The following MRPS27 variants were observed in gnomAD, a reference collection of about 807,000 sequenced individuals.
MRPS27 encodes the protein mitochondrial ribosomal protein S27.
Under a neutral mutation model 48.9 loss-of-function variants are expected in MRPS27, and 43 were observed. The ratio of observed to expected loss-of-function variants is 0.88; its 90% CI spans 0.69 to 1.13. The LOEUF (loss-of-function observed/expected upper bound fraction) is 1.13, where lower values mean the gene tolerates loss of function less well. MRPS27 is among the 50% of genes most tolerant of loss of function. The probability of loss-of-function intolerance (pLI) is 0.00; values close to 1 mark genes in which losing one functional copy is unlikely to be tolerated. For missense variants in MRPS27, 467 were observed against 476.3 expected, an observed-to-expected ratio of 0.98 and a Z score of 0.18; for synonymous variants, 188 against 171.9, an observed-to-expected ratio of 1.09 and a Z score of -0.73.
intron 1 of MRPS27, among the ~76,000 whole-genome samples, chr5:72,318,809 G>A (rs1750643544): frequency 1.3e-5 from 2 of 151,498 alleles, no homozygotes; most frequent in Admixed American, 1.3e-4. Flanking sequence ...AAAAAGGCTG[G>A]GGAGGTGATT....
intron 7 of MRPS27, among the ~76,000 whole-genome samples, chr5:72,230,934 C>A (rs921217690): frequency 6.6e-6 from 1 of 152,024 alleles, no homozygotes; most frequent in African/African-American, 2.4e-5. Flanking sequence ...TGCATCATAT[C>A]CTGGTCTCTA....
chr5:72,247,426 G>A (rs1002130079), intron 4 of MRPS27, among the ~76,000 whole-genome samples: 1 of 152,074 alleles, frequency 6.6e-6, no homozygotes, highest in Admixed American at 6.6e-5. Flanking sequence ...AAAGATAAAC[G>A]AGCAACCATT....
In MRPS27 at chr5:72,307,150, G is replaced by A. The variant is rs1372147931; in HGVS notation, c.151+6931C>T. The stretch of plus-strand genomic sequence containing the variant: ...GGGCGGATCACGAGGTCACGAGTTC[G>A]AGACCAGCATGACCAAAAAGGCAAG... On this transcript the variant is annotated intron_variant, in intron 2 of 10. Transcript: ENST00000261413. Among the ~76,000 whole-genome samples, 4 of 152,058 alleles carry A rather than the reference G, an allele frequency of 2.6e-5. No individual in the cohort carries two copies. In the East Asian group the frequency reaches 5.8e-4, roughly 22 times the overall value.
At chr5:72,320,095 C>T in intron 1 of MRPS27, 54 bp downstream of exon 1, 1 of 1,569,750 alleles carries the variant, frequency 6.4e-7, no homozygotes, top group South Asian at 1.1e-5. Flanking sequence ...GCCCACCGCT[C>T]CCTTCACCCA....
intron 2 of MRPS27, among the ~76,000 whole-genome samples, chr5:72,301,875 T>C (rs1443898339): frequency 6.6e-6 from 1 of 152,226 alleles, no homozygotes; most frequent in East Asian, 1.9e-4. Flanking sequence ...AGCTGCGGCG[T>C]GCAGAGGGCC....
At chr5:72,280,281 G>A (rs1409418594) in intron 4 of MRPS27, among the ~76,000 whole-genome samples, 4 of 152,218 alleles carry the variant, frequency 2.6e-5, no homozygotes, top group African/African-American at 9.6e-5. Flanking sequence ...GGTTGGAATT[G>A]CACTGAATTT....
At chr5:72,289,492 G>T (rs985266108) in intron 4 of MRPS27, among the ~76,000 whole-genome samples, 1 of 151,934 alleles carries the variant, frequency 6.6e-6, no homozygotes, top group Non-Finnish European at 1.5e-5. Flanking sequence ...TATGACCTCG[G>T]TTCACTGCAG....
intron 4 of MRPS27, among the ~76,000 whole-genome samples, chr5:72,249,866 C>T (rs1748611831): frequency 6.6e-6 from 1 of 151,896 alleles, no homozygotes; most frequent in Non-Finnish European, 1.5e-5. Flanking sequence ...TGCCTGTAGT[C>T]CCAGCTACTT....
At chr5:72,229,253 A>G (rs1747984302) in intron 7 of MRPS27, 1 of 152,194 alleles carries the variant, frequency 6.6e-6, no homozygotes, top group Non-Finnish European at 1.5e-5. Context: ...GAGAATGAAT[A>G]ATGTCTGCAG....
intron 4 of MRPS27, among the ~76,000 whole-genome samples, chr5:72,287,309 A>C (rs773729252): frequency 2.6e-5 from 4 of 152,086 alleles, no homozygotes; most frequent in Non-Finnish European, 5.9e-5. Flanking sequence ...AGCACAATCC[A>C]TTAAAAAAAA....
At chr5:72,256,386 T>C (rs939583141) in intron 4 of MRPS27, among the ~76,000 whole-genome samples, 1 of 152,172 alleles carries the variant, frequency 6.6e-6, no homozygotes, top group African/African-American at 2.4e-5. Context: ...ATGGAGTAGG[T>C]TGGAGAAAAA....
intron 4 of MRPS27, among the ~76,000 whole-genome samples, chr5:72,245,426 T>C (rs1748486019): frequency 6.6e-6 from 1 of 152,350 alleles, no homozygotes; most frequent in Admixed American, 6.5e-5. Context: ...TTTAAATACA[T>C]GCAAACATTT....
chr5:72,311,047 T>C (rs1224812408), intron 2 of MRPS27, among the ~76,000 whole-genome samples: 1 of 152,126 alleles, frequency 6.6e-6, no homozygotes, highest in Non-Finnish European at 1.5e-5. Flanking sequence ...GACAATGTCA[T>C]AAGAAACAAA....
chr5:72,252,528 A>C (rs574448221), intron 4 of MRPS27, among the ~76,000 whole-genome samples: 10 of 152,266 alleles, frequency 6.6e-5, no homozygotes, highest in African/African-American at 2.4e-4. Context: ...CCCTTTTTAC[A>C]AAGTAGGAAA....
At position 72,220,084 on chromosome 5, in the gene MRPS27, A is replaced by T. The variant is rs1005903937; in HGVS notation, c.*825T>A. ...AGAAGGGCGAGATGTGGCAGAAAGGAGAATGTGGGAATGTGTGAGTATCCC... is the reference window on the plus strand; with the variant it reads ...AGAAGGGCGAGATGTGGCAGAAAGGTGAATGTGGGAATGTGTGAGTATCCC... On this transcript the variant is annotated 3_prime_UTR_variant, in exon 11 of 11. Coordinates refer to ENST00000261413, the MANE Select transcript of MRPS27 (RefSeq NM_015084.3). The T allele has an allele frequency of 2.0e-5, 3 of 152,766 alleles. No individual in the cohort carries two copies. The highest frequency in any genetic ancestry group is 2.9e-5 in the Non-Finnish European group (2 of 68,128). 9.5% of individuals were successfully genotyped at this position (152,766 alleles called of 1,614,324 possible).
chr5:72,238,460 A>G (rs1748263402), intron 4 of MRPS27, among the ~76,000 whole-genome samples: 1 of 152,234 alleles, frequency 6.6e-6, no homozygotes, highest in Non-Finnish European at 1.5e-5. Context: ...ATATTTCATT[A>G]GAAGAGACGT....
At chr5:72,312,067 G>A (rs1288040619) in intron 2 of MRPS27, among the ~76,000 whole-genome samples, 1 of 152,176 alleles carries the variant, frequency 6.6e-6, no homozygotes, top group Non-Finnish European at 1.5e-5. Context: ...AGGAGGCGGA[G>A]GTTGCAGTGA....
At position 72,269,500 on chromosome 5, in the gene MRPS27, T is replaced by C. The variant is rs1034890639; in HGVS notation, c.281+26031A>G. On this transcript the variant is annotated intron_variant, in intron 4 of 10. Transcript: ENST00000261413. ...AAACTTTTTCCTAAATATTAAAACA[T>C]ACTAGCAAGCTATAATAATTAAAAC... Among the ~76,000 whole-genome samples, 3 of 152,218 alleles carry C rather than the reference T, an allele frequency of 2.0e-5. No homozygotes were observed. In the South Asian group the frequency reaches 6.2e-4, roughly 32 times the overall value.
In MRPS27 at chr5:72,221,068, T is replaced by C. The variant is rs1036325591; in HGVS notation, c.1086A>G (p.Glu362=). ...LLSLTTQLVK[E]KLSTCEAEDI... ...CCTCTGCTTCACAGGTGGAGAGTTT[T>C]TCCTTGACAAGCTGGGTGGTCAGAC... The change falls in exon 11 of 11, where the codon GAA becomes GAG. Residue 362 remains glutamate, a synonymous_variant. Transcript: ENST00000261413. 6.2e-7 allele frequency: 1 copy of C among 1,614,180 alleles called. No individual in the cohort carries two copies. Among genetic ancestry groups the C allele is most frequent in the Non-Finnish European group, 8.5e-7 (1 of 1,180,018 alleles).
Sources: gnomAD v4.1 joint callset for allele counts (sites outside exome capture counted in the v4.1 genomes callset) on GRCh38, gnomAD v4.1.1 for gene constraint, MANE v1.5 for transcripts, NCBI Gene and HGNC (gene_info 2026-07-23, HGNC 2026-07-21) for gene names.